GRIA4: variants seen among roughly 807,000 people sequenced by gnomAD.
GRIA4 encodes the protein glutamate ionotropic receptor AMPA type subunit 4, also known as glutamate receptor 4.
In GRIA4, 34 loss-of-function variants were observed where a neutral mutation model predicts 104.0. The observed-to-expected ratio is 0.33, with a 90% CI of 0.25 to 0.44. The LOEUF (loss-of-function observed/expected upper bound fraction) is 0.44, where lower values mean the gene tolerates loss of function less well. Ranked by LOEUF, GRIA4 falls within the 20% of genes least tolerant of loss-of-function variation. The pLI, the probability that GRIA4 is intolerant of heterozygous loss-of-function variation, is 1.00. For missense variants in GRIA4, 750 were observed against 1,096.5 expected (o/e 0.68, Z 4.46); for synonymous variants, 386 against 381.9 (o/e 1.01, Z -0.13).
intron 14 of GRIA4, among the ~76,000 whole-genome samples, chr11:105,951,108 TTGA>T (rs1336425736): frequency 6.6e-6 from 1 of 152,128 alleles, no homozygotes; most frequent in African/African-American, 2.4e-5. Context: ...TTTAAAGCAA[TTGA>T]TGAAAGTTTT....
chr11:105,803,966 AC>A (rs1199922216), intron 4 of GRIA4, among the ~76,000 whole-genome samples: 5 of 151,896 alleles, frequency 3.3e-5, no homozygotes, highest in Non-Finnish European at 4.4e-5. Context: ...TTGAAAAAAA[AC>A]AAAAGGTAAA....
chr11:105,673,406 G>T (rs748477701), intron 3 of GRIA4, among the ~76,000 whole-genome samples: 1 of 152,070 alleles, frequency 6.6e-6, no homozygotes, highest in African/African-American at 2.4e-5. Context: ...CTTAAATAGG[G>T]GGATGAGCAA....
chr11:105,690,144 G>A (rs1953033364), intron 3 of GRIA4, among the ~76,000 whole-genome samples: 1 of 152,084 alleles, frequency 6.6e-6, no homozygotes, highest in East Asian at 1.9e-4. Context: ...GATTGAGAGA[G>A]TGAGAAGAAA....
At chr11:105,946,097 TTG>T (rs1486233805) in intron 14 of GRIA4, among the ~76,000 whole-genome samples, 1 of 152,136 alleles carries the variant, frequency 6.6e-6, no homozygotes, top group Non-Finnish European at 1.5e-5. Context: ...GGAGGAAATA[TTG>T]TGTTGAGCAT....
At chr11:105,917,815 G>GGTGTGTGTGTGTGTGTGT (rs147308478) in intron 10 of GRIA4, among the ~76,000 whole-genome samples, 1 of 142,688 alleles carries the variant, frequency 7.0e-6, no homozygotes, top group Non-Finnish European at 1.5e-5. Flanking sequence ...TTGGTTTAAG[G>GGTGTGTGTGTGTGTGTGT]GTGTGTGTGT....
chr11:105,975,754 C>T lies in GRIA4; in HGVS notation c.2544+1310C>T, dbSNP rs185601705. Among the ~76,000 whole-genome samples the T allele has an allele frequency of 6.2e-3, 938 of 152,012 alleles. 7 individuals carry two copies. Among genetic ancestry groups the T allele is most frequent in the African/African-American group, 0.021 (874 of 41,492 alleles). The stretch of plus-strand genomic sequence containing the variant: ...CATCTGAGTTTACACCAGCTAAACA[C>T]GCTTGATTTTTTATATTTATTTATA... On this transcript the variant is annotated intron_variant, in intron 16 of 16. Transcript: ENST00000282499.
intron 3 of GRIA4, among the ~76,000 whole-genome samples, chr11:105,702,083 G>GC (rs1178848740): frequency 6.6e-6 from 1 of 152,032 alleles, no homozygotes. Flanking sequence ...TACAGGTGCT[G>GC]CAACTACATC....
At chr11:105,749,106 T>C (rs1305745077) in intron 3 of GRIA4, among the ~76,000 whole-genome samples, 1 of 152,132 alleles carries the variant, frequency 6.6e-6, no homozygotes, top group East Asian at 1.9e-4. Context: ...AGCATAGTTG[T>C]GGTGTTAGGA....
chr11:105,918,126 CTATT>C (rs2136183011), intron 10 of GRIA4, among the ~76,000 whole-genome samples: 1 of 152,138 alleles, frequency 6.6e-6, no homozygotes, highest in South Asian at 2.1e-4. Flanking sequence ...ATGCAAATAA[CTATT>C]TAAGAATTTT....
At chr11:105,723,164 A>C (rs1217774758) in intron 3 of GRIA4, among the ~76,000 whole-genome samples, 10 of 15,358 alleles carry the variant, frequency 6.5e-4, no homozygotes, top group African/African-American at 1.1e-3. Flanking sequence ...GTGAGCAATC[A>C]ATGAGAAAGG....
At position 105,933,739 on chromosome 11, in the gene GRIA4, G is replaced by A; in HGVS notation, c.2064G>A (p.Val688=). 2 of 1,595,630 alleles carry A rather than the reference G, an allele frequency of 1.3e-6. No individual in the cohort carries two copies. Among genetic ancestry groups the A allele is most frequent in the South Asian group, 2.2e-5 (2 of 89,248 alleles). Reference sequence around the variant, plus strand: ...TCCTCCAGAGATCAAAAATAGCAGTGTATGAAAAGATGTGGACCTACATGC... The same window carrying A: ...TCCTCCAGAGATCAAAAATAGCAGTATATGAAAAGATGTGGACCTACATGC... The part of the protein sequence containing the change: ...KEFFRRSKIA[V]YEKMWTYMRS... The change falls in exon 14 of 17, where the codon GTG becomes GTA. Residue 688 remains valine (V), a synonymous_variant. Coordinates refer to ENST00000282499, the MANE Select transcript of GRIA4 (RefSeq NM_000829.4).
At chr11:105,726,282 C>T (rs554598853) in intron 3 of GRIA4, among the ~76,000 whole-genome samples, 2 of 152,056 alleles carry the variant, frequency 1.3e-5, no homozygotes, top group Admixed American at 1.3e-4. Flanking sequence ...CTGGGAAGTA[C>T]AAACTGAGTG....
chr11:105,920,957 C>G (rs555622885), intron 11 of GRIA4, among the ~76,000 whole-genome samples: 8 of 152,276 alleles, frequency 5.3e-5, no homozygotes, highest in Middle Eastern at 3.4e-3. Context: ...ACTGCAAACA[C>G]ATACATGAGT....
At chr11:105,793,392 C>A (rs1162590252) in intron 4 of GRIA4, among the ~76,000 whole-genome samples, 1 of 152,146 alleles carries the variant, frequency 6.6e-6, no homozygotes, top group Non-Finnish European at 1.5e-5. Context: ...ATTATCACAT[C>A]TAGGGTTCCT....
Position 105,912,050 on chromosome 11 carries a change from T to A in GRIA4, c.1269+1505T>A, listed in dbSNP as rs530739454. The A allele has an allele frequency of 2.9e-4, 319 of 1,100,774 alleles. 2 individuals are homozygous for A. The highest frequency in any genetic ancestry group is 1.7e-3 in the South Asian group (47 of 27,092). The allele number at this position is 1,100,774 out of a possible 1,614,324, so 68.2% of individuals were successfully genotyped here. A position where few individuals can be genotyped will look rare whatever the true frequency, so the allele number is the denominator to read the frequency against. Reference sequence around the variant, plus strand: ...ACTCTGGACTACCAGAAAAAAAAAATTTTAAGTTCTGTGACTTTTCTGAGA... The same window carrying A: ...ACTCTGGACTACCAGAAAAAAAAAAATTTAAGTTCTGTGACTTTTCTGAGA... On this transcript the variant is annotated intron_variant, in intron 10 of 16. Transcript: ENST00000282499.
chr11:105,812,734 T>A (rs1232297420), intron 4 of GRIA4, among the ~76,000 whole-genome samples: 1 of 152,138 alleles, frequency 6.6e-6, no homozygotes, highest in Non-Finnish European at 1.5e-5. Context: ...TAAATCATTC[T>A]GCTCATAAAT....
intron 3 of GRIA4, among the ~76,000 whole-genome samples, chr11:105,695,536 T>C (rs1274021074): frequency 6.6e-6 from 1 of 150,918 alleles, no homozygotes; most frequent in Non-Finnish European, 1.5e-5. Flanking sequence ...GGTAGGGGGG[T>C]GGTTGTCTTG....
At chr11:105,865,116 AT>A (rs1945358579) in intron 5 of GRIA4, among the ~76,000 whole-genome samples, 1 of 152,244 alleles carries the variant, frequency 6.6e-6, no homozygotes, top group East Asian at 1.9e-4. Flanking sequence ...TTGCTATTTA[AT>A]ATAGTAGCTA....
At chr11:105,979,299 T>C (rs540629716) in intron 16 of GRIA4, among the ~76,000 whole-genome samples, 1 of 152,340 alleles carries the variant, frequency 6.6e-6, no homozygotes, top group South Asian at 2.1e-4. Context: ...AGTTAAAAGA[T>C]GTTTCCTGCC....
Sources: gnomAD v4.1 joint callset for allele counts (sites outside exome capture counted in the v4.1 genomes callset) on GRCh38, gnomAD v4.1.1 for gene constraint, MANE v1.5 for transcripts, NCBI Gene and HGNC (gene_info 2026-07-23, HGNC 2026-07-21) for gene names.